Variants in TRPM3 observed in about 807,000 individuals in gnomAD.
The protein encoded by TRPM3 is transient receptor potential cation channel subfamily M member 3.
In TRPM3, 77 loss-of-function variants were observed where a neutral mutation model predicts 181.2. The observed-to-expected ratio is 0.42, with a 90% CI of 0.35 to 0.51. The LOEUF (loss-of-function observed/expected upper bound fraction) is 0.51, where lower values mean the gene tolerates loss of function less well. Among genes scored for constraint, TRPM3 ranks in the 20% least tolerant of loss-of-function variants. The pLI is 0.01. For missense variants in TRPM3, 1,759 were observed against 2,196.7 expected (o/e 0.80, Z 3.98); for synonymous variants, 745 against 796.4 (o/e 0.94, Z 1.09).
chr9:70,577,667 A>G (rs1320735971), intron 22 of TRPM3, among the ~76,000 whole-genome samples: 3 of 152,204 alleles, frequency 2.0e-5, no homozygotes, highest in African/African-American at 7.2e-5. Flanking sequence ...ACTGCCATAC[A>G]TTTTGCAAAA....
At chr9:71,066,640 A>G (rs659797) in intron 1 of TRPM3, among the ~76,000 whole-genome samples, 34,811 of 151,896 alleles carry the variant, frequency 0.23, 4,695 homozygotes, top group East Asian at 0.33. Context: ...ATAATTAACA[A>G]CTCTGAGTTT....
intron 1 of TRPM3, among the ~76,000 whole-genome samples, chr9:71,280,790 C>A (rs2084647799): frequency 6.6e-6 from 1 of 152,180 alleles, no homozygotes; most frequent in African/African-American, 2.4e-5. Flanking sequence ...CACACAAATG[C>A]ATCAATACAA....
intron 1 of TRPM3, among the ~76,000 whole-genome samples, chr9:71,258,256 G>C (rs1293911552): frequency 6.6e-6 from 1 of 152,078 alleles, no homozygotes; most frequent in Non-Finnish European, 1.5e-5. Flanking sequence ...TTTTCAGATG[G>C]GGAAACTGAG....
At chr9:70,822,959 G>T (rs2093301755) in intron 6 of TRPM3, among the ~76,000 whole-genome samples, 1 of 152,028 alleles carries the variant, frequency 6.6e-6, no homozygotes, top group Non-Finnish European at 1.5e-5. Context: ...GATGTGATGT[G>T]TCCCTGACAA....
At chr9:71,138,006 C>T (rs1372832421) in intron 1 of TRPM3, among the ~76,000 whole-genome samples, 1 of 151,774 alleles carries the variant, frequency 6.6e-6, no homozygotes, top group African/African-American at 2.4e-5. Context: ...CCCAGCTACT[C>T]AGGAGGCTGA....
chr9:71,294,785 A>T (rs563249219), intron 1 of TRPM3, among the ~76,000 whole-genome samples: 1 of 152,288 alleles, frequency 6.6e-6, no homozygotes, highest in East Asian at 1.9e-4. Flanking sequence ...ACACAATCGA[A>T]TTCTGTATCA....
At position 70,764,778 on chromosome 9, in the gene TRPM3, A is replaced by T. The variant is rs541658203; in HGVS notation, c.1149-3054T>A. Among the ~76,000 whole-genome samples the T allele has an allele frequency of 2.0e-5, 3 of 152,276 alleles. No individual in the cohort carries two copies. The South Asian group carries it at 6.2e-4, about 32-fold the overall frequency. On this transcript the variant is annotated intron_variant, in intron 7 of 25. Transcript: ENST00000677713. ...AAGTTAAAGAAATTAAAATTAAATAACTGCCCTTTCTGATTCAGTTCTTTT... is the reference window on the plus strand; with the variant it reads ...AAGTTAAAGAAATTAAAATTAAATATCTGCCCTTTCTGATTCAGTTCTTTT...
chr9:70,921,468 C>T (rs2096652456), intron 1 of TRPM3, among the ~76,000 whole-genome samples: 1 of 152,200 alleles, frequency 6.6e-6, no homozygotes, highest in Non-Finnish European at 1.5e-5. Context: ...TTAGCCAGGC[C>T]TTTCACTTCC....
chr9:71,351,952 T>G (rs2091661034), intron 1 of TRPM3, among the ~76,000 whole-genome samples: 1 of 149,050 alleles, frequency 6.7e-6, no homozygotes, highest in African/African-American at 2.5e-5. Context: ...CTTGGCTCAC[T>G]GCAAGCTCCG....
At chr9:70,922,087 T>C (rs1461448683) in intron 1 of TRPM3, among the ~76,000 whole-genome samples, 1 of 152,200 alleles carries the variant, frequency 6.6e-6, no homozygotes, top group Admixed American at 6.5e-5. Flanking sequence ...AGGGTCTTGC[T>C]TGAAAGAAGT....
At chr9:70,945,683 T>C (rs2096925974) in intron 1 of TRPM3, among the ~76,000 whole-genome samples, 1 of 152,212 alleles carries the variant, frequency 6.6e-6, no homozygotes, top group Admixed American at 6.5e-5. Flanking sequence ...GCTGAAAACC[T>C]GAGTATTGTA....
chr9:71,406,322 T>C (rs12552926), intron 1 of TRPM3, among the ~76,000 whole-genome samples: 30,278 of 152,100 alleles, frequency 0.2, 3,419 homozygotes, highest in African/African-American at 0.3. Context: ...ATATACTCTA[T>C]AGAAAAATAA....
At chr9:70,689,494 AC>A (rs1292242365) in intron 8 of TRPM3, among the ~76,000 whole-genome samples, 2 of 147,830 alleles carry the variant, frequency 1.4e-5, no homozygotes, top group Non-Finnish European at 3.0e-5. Flanking sequence ...CAAAGCAACA[AC>A]TACAGTAACC....
chr9:71,035,745 A>G (rs1182258505), intron 1 of TRPM3, among the ~76,000 whole-genome samples: 2 of 152,180 alleles, frequency 1.3e-5, no homozygotes, highest in Non-Finnish European at 2.9e-5. Context: ...AAAATAAAAA[A>G]TAAAACAAAA....
intron 1 of TRPM3, among the ~76,000 whole-genome samples, chr9:71,363,658 A>G (rs1368663424): frequency 6.6e-6 from 1 of 152,182 alleles, no homozygotes; most frequent in Non-Finnish European, 1.5e-5. Context: ...TTTCTAAGCT[A>G]ACTCATTCTC....
intron 1 of TRPM3, among the ~76,000 whole-genome samples, chr9:70,954,811 T>A (rs1409202824): frequency 7.0e-6 from 1 of 142,556 alleles, no homozygotes; most frequent in African/African-American, 2.4e-5. Context: ...GGCCGGGCCC[T>A]ACGCTTCCTG....
intron 9 of TRPM3, among the ~76,000 whole-genome samples, chr9:70,671,552 T>C (rs1459370838): frequency 6.6e-6 from 1 of 152,158 alleles, no homozygotes; most frequent in Non-Finnish European, 1.5e-5. Flanking sequence ...AAACATTATA[T>C]GGTAAGTAAT....
intron 1 of TRPM3, among the ~76,000 whole-genome samples, chr9:70,952,240 A>G (rs961290657): frequency 1.3e-4 from 20 of 152,182 alleles, no homozygotes; most frequent in Admixed American, 4.6e-4. Flanking sequence ...TAGCCTGGGA[A>G]TGATCTTGCT....
rs750608794 is a variant in TRPM3, at chr9:70,625,379, G to C, written c.1669-48C>G. 7 of 1,611,058 alleles carry C rather than the reference G, an allele frequency of 4.3e-6. No individual in the cohort carries two copies. Among genetic ancestry groups the C allele is most frequent in the Non-Finnish European group, 5.9e-6 (7 of 1,178,376 alleles). The stretch of plus-strand genomic sequence containing the variant: ...ACAGACAAATCCAAAAGACAACGTG[G>C]TTTACTAGGGATTCTACTTCACGTA... On this transcript the variant is annotated intron_variant, in intron 13 of 25. Transcript: ENST00000677713. The surrounding 1 kb of genome is among the most constrained non-coding windows in gnomAD (Gnocchi z 4.8).
Sources: allele counts gnomAD v4.1 joint callset (sites outside exome capture counted in the v4.1 genomes callset), GRCh38; gene constraint gnomAD v4.1.1; non-coding constraint Gnocchi (gnomAD v3.1); transcripts MANE v1.5; gene names NCBI Gene and HGNC (gene_info 2026-07-23, HGNC 2026-07-21).